Variants in FPGT observed in about 807,000 individuals in gnomAD.
The protein encoded by FPGT is fucose-1-phosphate guanylyltransferase.
In FPGT, 41 loss-of-function variants were observed where a neutral mutation model predicts 45.8. The observed-to-expected ratio is 0.90, with a 90% CI of 0.70 to 1.16. The LOEUF (loss-of-function observed/expected upper bound fraction) is 1.16. Ranked by LOEUF, FPGT falls within the 50% of genes most tolerant of loss-of-function variation. The pLI, the probability that FPGT is intolerant of heterozygous loss-of-function variation, is 0.00. For synonymous variants in FPGT, 292 were observed against 247.2 expected, an observed-to-expected ratio of 1.18 and a Z score of -1.70; for missense variants, 755 against 689.1, an observed-to-expected ratio of 1.10 and a Z score of -1.07.
At chr1:74,200,537 C>T (rs1329220078) in intron 2 of FPGT, among the ~76,000 whole-genome samples, 2 of 123,162 alleles carry the variant, frequency 1.6e-5, no homozygotes, top group Non-Finnish European at 3.2e-5. Flanking sequence ...AGGAGTCTTG[C>T]TCTGTTGCCC....
At chr1:74,202,417 C>A (rs573721) in intron 3 of FPGT, among the ~76,000 whole-genome samples, 128,729 of 152,190 alleles carry the variant, frequency 0.85, 55,434 homozygotes, top group East Asian at 0.97. Context: ...ATGTGTAAAA[C>A]AATCTAATTT....
At chr1:74,198,550 G>C in intron 1 of FPGT, 190 bp downstream of exon 1, 1 of 730,112 alleles carries the variant, frequency 1.4e-6, no homozygotes, top group Non-Finnish European at 2.2e-6. Context: ...TGACATGCTT[G>C]TTGCTTACTT....
At chr1:74,202,365 A>T (rs1364928252) in intron 3 of FPGT, among the ~76,000 whole-genome samples, 2 of 152,216 alleles carry the variant, frequency 1.3e-5, no homozygotes, top group African/African-American at 4.8e-5. Flanking sequence ...TGTAAAGATG[A>T]TGTCAAAGTA....
At chr1:74,201,464 A>G in intron 3 of FPGT, 54 bp downstream of exon 3, 1 of 1,147,082 alleles carries the variant, frequency 8.7e-7, no homozygotes, top group South Asian at 1.5e-5. Flanking sequence ...CACCTTTAAT[A>G]CTTTAGAGAC....
chr1:74,198,505 C>G (rs1651436874), intron 1 of FPGT, 145 bp downstream of exon 1: 1 of 1,157,958 alleles, frequency 8.6e-7, no homozygotes, highest in Admixed American at 2.3e-5. Flanking sequence ...GCTAATAATC[C>G]TTTTGAGTTT....
chr1:74,202,100 A>G (rs1651852358), intron 3 of FPGT, among the ~76,000 whole-genome samples: 3 of 152,262 alleles, frequency 2.0e-5, no homozygotes, highest in Admixed American at 2.0e-4. Flanking sequence ...ACACAAAATA[A>G]GACATTTTAA....
At position 74,205,493 on chromosome 1, in the gene FPGT, A is replaced by G; in HGVS notation, c.1446A>G (p.Lys482=). The change falls in exon 4 of 4, where the codon AAA becomes AAG. Residue 482 remains lysine (K), a synonymous_variant. Transcript: ENST00000370898. ...AAGACAACTTGAAAAAGAGTGTGAA[A>G]ACATTGTCAGATATAAAGTTACTTC... is the stretch of plus-strand genomic sequence containing the variant. ...GVQDNLKKSV[K]TLSDIKLLQF... The G allele has an allele frequency of 1.2e-6, 2 of 1,613,326 alleles. No homozygotes were observed. Among genetic ancestry groups the G allele is most frequent in the Non-Finnish European group, 8.5e-7 (1 of 1,179,246 alleles).
intron 3 of FPGT, among the ~76,000 whole-genome samples, chr1:74,203,062 AAGTAT>A (rs1303774215): frequency 6.6e-6 from 1 of 152,222 alleles, no homozygotes; most frequent in Non-Finnish European, 1.5e-5. Context: ...TAACAATGAA[AAGTAT>A]AGTATAGTAA....
intron 2 of FPGT, 121 bp downstream of exon 2, chr1:74,199,952 A>C (rs902700368): frequency 8.6e-7 from 1 of 1,158,920 alleles, no homozygotes; most frequent in Non-Finnish European, 1.2e-6. Context: ...TACAAACTTT[A>C]AAATTTGAAC....
Position 74,198,487 on chromosome 1 carries a change from A to G in FPGT, c.82+127A>G, listed in dbSNP as rs1023563015. On this transcript the variant is annotated intron_variant, in intron 1 of 3. Coordinates refer to ENST00000370898, the MANE Select transcript of FPGT (RefSeq NM_003838.5). ...CTGTAGGCCTATGACGCTCCCCAGG[A>G]GTAGCTAGCTAATAATCCTTTTGAG... The G allele has an allele frequency of 3.1e-6, 4 of 1,304,734 alleles. No individual in the cohort carries two copies. The Admixed American group carries it at 8.4e-5, about 28-fold the overall frequency. The allele number at this position is 1,304,734 out of a possible 1,614,324, so 80.8% of individuals were successfully genotyped here.
chr1:74,199,919 CT>C, intron 2 of FPGT, 88 bp downstream of exon 2: 1 of 1,382,474 alleles, frequency 7.2e-7, no homozygotes, highest in Non-Finnish European at 9.7e-7. Flanking sequence ...AGTGTATAAG[CT>C]GCATATCTCT....
chr1:74,205,583 G>C lies in FPGT; in HGVS notation c.1536G>C (p.Leu512=), dbSNP rs1652216869. 3 of 1,613,644 alleles carry C rather than the reference G, an allele frequency of 1.9e-6. No homozygotes were observed. Among genetic ancestry groups the C allele is most frequent in the Non-Finnish European group, 2.5e-6 (3 of 1,179,586 alleles). The part of the protein sequence containing the change: ...DVWNLKVTEE[L]FSGNKTCLSL... ...GGAATCTTAAAGTTACAGAGGAACT[G>C]TTCTCTGGTAACAAGACATGTCTGA... is the stretch of plus-strand genomic sequence containing the variant. Residue 512 remains leucine (L), a synonymous_variant, in exon 4 of 4, where the codon CTG becomes CTC. Coordinates refer to ENST00000370898, the MANE Select transcript of FPGT (RefSeq NM_003838.5).
rs1243570796 is a variant in FPGT, at chr1:74,206,020, AAAG to A, written c.*190_*192del. 6.8e-6 allele frequency: 3 copies of A among 442,162 alleles called. No homozygotes were observed. The highest frequency in any genetic ancestry group is 1.2e-5 in the Non-Finnish European group (3 of 251,532). 27.4% of individuals were successfully genotyped at this position (442,162 alleles called of 1,614,324 possible). ...AAAATATTCCAAGACTAAGTTGAGA[AAAG>A]AGATACTATTTTGGATGTGTATCAG... is the stretch of plus-strand genomic sequence containing the variant. On this transcript the variant is annotated 3_prime_UTR_variant, in exon 4 of 4. Coordinates refer to ENST00000370898, the MANE Select transcript of FPGT (RefSeq NM_003838.5).
Position 74,198,300 on chromosome 1 carries a change from C to T in FPGT, c.22C>T (p.Pro8Ser). MAAARDP[P>S]EVSLREATQR... ...GGCTATGGCAGCTGCTAGGGACCCTCCGGAAGTATCGCTGCGAGAAGCCAC... is the reference window on the plus strand; with the variant it reads ...GGCTATGGCAGCTGCTAGGGACCCTTCGGAAGTATCGCTGCGAGAAGCCAC... Residue 8 changes from proline to serine, a missense_variant, in exon 1 of 4, where the codon CCG (proline) becomes TCG (serine). By Grantham distance (74) the Pro-to-Ser change is moderately conservative. Coordinates refer to ENST00000370898, the MANE Select transcript of FPGT (RefSeq NM_003838.5). 1.9e-6 allele frequency: 3 copies of T among 1,614,128 alleles called. No homozygotes were observed. The highest frequency in any genetic ancestry group is 2.2e-5 in the South Asian group (2 of 91,086).
At chr1:74,201,634 A>G (rs1252917868) in intron 3 of FPGT, among the ~76,000 whole-genome samples, 2 of 152,184 alleles carry the variant, frequency 1.3e-5, no homozygotes, top group Non-Finnish European at 2.9e-5. Flanking sequence ...GATCACGTAT[A>G]TCGTCAGTCT....
At position 74,200,743 on chromosome 1, in the gene FPGT, C is replaced by T. The variant is rs897435411; in HGVS notation, c.251-575C>T. ...CAGGACGGTCTGTATCTCCTGACCT[C>T]GTGATCCACCTGCCTCGGCCTCCCA... On this transcript the variant is annotated intron_variant, in intron 2 of 3. Transcript: ENST00000370898. 7.1e-5 allele frequency: 11 copies of T among 155,440 alleles called. No homozygotes were observed. In the South Asian group the frequency reaches 1.8e-3, roughly 26 times the overall value. The allele number at this position is 155,440 out of a possible 1,614,324, so 9.6% of individuals were successfully genotyped here.
At position 74,205,928 on chromosome 1, in the gene FPGT, CTG is replaced by C; in HGVS notation, c.*98_*99del. On this transcript the variant is annotated 3_prime_UTR_variant, in exon 4 of 4. Coordinates refer to ENST00000370898, the MANE Select transcript of FPGT (RefSeq NM_003838.5). ...TTTCACTGAACTCAGTTAATGAAAA[CTG>C]TATTAACATAATTGTTGTAGCATAA... 1.5e-6 allele frequency: 1 copy of C among 677,516 alleles called. No individual in the cohort carries two copies. The highest frequency in any genetic ancestry group is 2.5e-6 in the Non-Finnish European group (1 of 394,324). 42.0% of individuals were successfully genotyped at this position (677,516 alleles called of 1,614,324 possible).
Position 74,205,772 on chromosome 1 carries a change from T to C in FPGT, c.1725T>C (p.Asp575=), listed in dbSNP as rs562800576. ...TGCTTATCTACAAAGATGTAGAAGATATGATAACTTACAGGGAACAAATTT... is the reference window on the plus strand; with the variant it reads ...TGCTTATCTACAAAGATGTAGAAGACATGATAACTTACAGGGAACAAATTT... ...EEMLIYKDVE[D]MITYREQIFL... is the part of the protein sequence containing the mutation. The change falls in exon 4 of 4, where the codon GAT becomes GAC. Residue 575 remains aspartate (D), a synonymous_variant. Coordinates refer to ENST00000370898, the MANE Select transcript of FPGT (RefSeq NM_003838.5). The C allele has an allele frequency of 6.3e-7, 1 of 1,588,108 alleles. No homozygotes were observed.
intron 3 of FPGT, among the ~76,000 whole-genome samples, chr1:74,201,881 A>G (rs1319226237): frequency 6.6e-6 from 1 of 152,034 alleles, no homozygotes; most frequent in African/African-American, 2.4e-5. Flanking sequence ...TGCATTAGCT[A>G]TTTTTCCTAA....
Sources: allele counts gnomAD v4.1 joint callset (sites outside exome capture counted in the v4.1 genomes callset), GRCh38; gene constraint gnomAD v4.1.1; transcripts MANE v1.5; gene names NCBI Gene and HGNC (gene_info 2026-07-23, HGNC 2026-07-21).